Variants in C8orf34 observed in about 807,000 individuals in gnomAD.
The protein encoded by C8orf34 is uncharacterized protein C8orf34.
In C8orf34, 65 loss-of-function variants were observed where a neutral mutation model predicts 68.3. That is an observed-to-expected ratio of 0.95 (90% CI 0.78 to 1.17). The LOEUF (loss-of-function observed/expected upper bound fraction) is 1.17. Ranked by LOEUF, C8orf34 falls within the 50% of genes most tolerant of loss-of-function variation. The probability of loss-of-function intolerance (pLI) is 0.00; values close to 1 mark genes in which losing one functional copy is unlikely to be tolerated. For missense variants in C8orf34, 664 were observed against 655.4 expected (o/e 1.01, Z -0.14); for synonymous variants, 244 against 241.2 (o/e 1.01, Z -0.11).
At chr8:68,581,807 C>A (rs1009527753) in intron 7 of C8orf34, among the ~76,000 whole-genome samples, 1 of 152,126 alleles carries the variant, frequency 6.6e-6, no homozygotes, top group African/African-American at 2.4e-5. Context: ...AATCCTTTAT[C>A]ATTGTCTCAC....
At chr8:68,338,894 A>T (rs1805960346) in intron 1 of C8orf34, among the ~76,000 whole-genome samples, 1 of 152,114 alleles carries the variant, frequency 6.6e-6, no homozygotes, top group Non-Finnish European at 1.5e-5. Context: ...TTTAGCCAGA[A>T]ACCCATTAGC....
intron 8 of C8orf34, among the ~76,000 whole-genome samples, chr8:68,683,421 G>T (rs780805872): frequency 8.6e-5 from 13 of 151,498 alleles, no homozygotes; most frequent in Non-Finnish European, 1.9e-4. Flanking sequence ...ACCTAACGGG[G>T]AGTACTGATC....
intron 1 of C8orf34, among the ~76,000 whole-genome samples, chr8:68,344,506 A>G (rs1806201080): frequency 6.6e-6 from 1 of 152,186 alleles, no homozygotes; most frequent in South Asian, 2.1e-4. Flanking sequence ...CCCAGTTATG[A>G]TATTCTTCTA....
rs748704167 is a variant in C8orf34 at position 68,461,898 on chromosome 8, A to AC, written c.608-6793dup. Among the ~76,000 whole-genome samples the AC allele has an allele frequency of 4.7e-3, 722 of 152,252 alleles. 2 individuals carry two copies. The highest frequency in any genetic ancestry group is 0.031 in the Middle Eastern group (9 of 294). On this transcript the variant is annotated intron_variant, in intron 3 of 13. Coordinates refer to ENST00000518698, the MANE Select transcript of C8orf34 (RefSeq NM_052958.4). ...ACTGCATCAACTAACGAGCAAAATA[A>AC]CAGCTAACATCATAATGACAGGATC...
intron 8 of C8orf34, among the ~76,000 whole-genome samples, chr8:68,657,078 A>G (rs978610127): frequency 2.0e-5 from 3 of 152,148 alleles, no homozygotes; most frequent in Non-Finnish European, 4.4e-5. Context: ...CAAAGTTCCT[A>G]TGAATGTCCC....
At chr8:68,693,194 T>A (rs1274145540) in intron 8 of C8orf34, among the ~76,000 whole-genome samples, 1 of 152,086 alleles carries the variant, frequency 6.6e-6, no homozygotes, top group Non-Finnish European at 1.5e-5. Context: ...TGAAGACGCA[T>A]CAGTCTGTAA....
At chr8:68,702,816 CA>C (rs1821058336) in intron 8 of C8orf34, among the ~76,000 whole-genome samples, 1 of 152,098 alleles carries the variant, frequency 6.6e-6, no homozygotes, top group Non-Finnish European at 1.5e-5. Context: ...AAAAATAGCA[CA>C]AATCACCATC....
chr8:68,425,429 C>T (rs548480479), intron 1 of C8orf34, among the ~76,000 whole-genome samples: 3 of 152,118 alleles, frequency 2.0e-5, no homozygotes, highest in East Asian at 3.9e-4. Flanking sequence ...GATACATGAT[C>T]GATACATAAA....
At chr8:68,717,010 G>GA (rs1374749309) in intron 9 of C8orf34, among the ~76,000 whole-genome samples, 1 of 151,680 alleles carries the variant, frequency 6.6e-6, no homozygotes, top group African/African-American at 2.4e-5. Context: ...TTGTTTTCCT[G>GA]AAAAAAGGAA....
chr8:68,680,463 A>T (rs1264067125), intron 8 of C8orf34, among the ~76,000 whole-genome samples: 2 of 152,190 alleles, frequency 1.3e-5, no homozygotes, highest in Admixed American at 6.5e-5. Flanking sequence ...GTGACATCAC[A>T]TATTGGTAAG....
chr8:68,742,061 T>A (rs1007609500), intron 10 of C8orf34, among the ~76,000 whole-genome samples: 2 of 152,116 alleles, frequency 1.3e-5, no homozygotes, highest in Non-Finnish European at 2.9e-5. Flanking sequence ...CATAACCTAG[T>A]TTTATTCTTC....
chr8:68,573,529 T>A (rs1816816460), intron 7 of C8orf34, among the ~76,000 whole-genome samples: 1 of 152,298 alleles, frequency 6.6e-6, no homozygotes, highest in African/African-American at 2.4e-5. Context: ...TTATTCGTTG[T>A]ACTAATAAGA....
chr8:68,815,985 T>C, intron 13 of C8orf34, 40 bp downstream of exon 13: 1 of 1,613,474 alleles, frequency 6.2e-7, no homozygotes, highest in African/African-American at 1.3e-5. Flanking sequence ...TGTCGGGTAA[T>C]GGCGGGTACC....
At chr8:68,446,947 A>T (rs1044108843) in intron 3 of C8orf34, 6 of 154,138 alleles carry the variant, frequency 3.9e-5, no homozygotes, top group African/African-American at 1.4e-4. Context: ...TCTCTTCACT[A>T]CTACTGTAAT....
intron 1 of C8orf34, among the ~76,000 whole-genome samples, chr8:68,332,286 C>A (rs545752888): frequency 6.7e-6 from 1 of 150,022 alleles, no homozygotes; most frequent in Non-Finnish European, 1.5e-5. Context: ...GGAGGGACTC[C>A]CTTGGTCCCA....
intron 7 of C8orf34, among the ~76,000 whole-genome samples, chr8:68,558,784 G>A (rs538825751): frequency 1.3e-5 from 2 of 152,248 alleles, no homozygotes; most frequent in South Asian, 4.1e-4. Flanking sequence ...CATTGATTAT[G>A]CTATGCCCTG....
chr8:68,775,049 C>T (rs1250008176), intron 10 of C8orf34, among the ~76,000 whole-genome samples: 9 of 138,240 alleles, frequency 6.5e-5, no homozygotes, highest in African/African-American at 2.2e-4. Flanking sequence ...ACCTGGGAGG[C>T]GGAAGTTGCA....
chr8:68,470,528 A>AGCTGTGGACCAAGAAAACCTG (rs1442862534), intron 4 of C8orf34, among the ~76,000 whole-genome samples: 1 of 152,120 alleles, frequency 6.6e-6, no homozygotes, highest in Non-Finnish European at 1.5e-5. Flanking sequence ...TCAGAGTTCA[A>AGCTGTGGACCAAGAAAACCTG]GCTGTGGACC....
At chr8:68,754,639 G>A (rs1448278004) in intron 10 of C8orf34, among the ~76,000 whole-genome samples, 1 of 152,170 alleles carries the variant, frequency 6.6e-6, no homozygotes, top group East Asian at 1.9e-4. Flanking sequence ...TGTACTATTT[G>A]CATGAATGAC....
Sources: allele counts gnomAD v4.1 joint callset (sites outside exome capture counted in the v4.1 genomes callset), GRCh38; gene constraint gnomAD v4.1.1; transcripts MANE v1.5; gene names NCBI Gene and HGNC (gene_info 2026-07-23, HGNC 2026-07-21).